Variants in YAF2 observed in about 807,000 individuals in gnomAD.
YAF2 encodes YY1 associated factor 2.
YAF2 carries 7 observed loss-of-function variants against 20.1 expected under a neutral mutation model. That is an observed-to-expected ratio of 0.35 (90% CI 0.20 to 0.65). The LOEUF is 0.65. Ranked by LOEUF, YAF2 falls within the 30% of genes least tolerant of loss-of-function variation. The pLI is 0.69. For missense variants in YAF2, 151 were observed against 219.2 expected (o/e 0.69, Z 1.96); for synonymous variants, 74 against 76.0 (o/e 0.97, Z 0.14).
intron 2 of YAF2, among the ~76,000 whole-genome samples, chr12:42,205,439 A>G (rs2067014468): frequency 6.6e-6 from 1 of 151,050 alleles, no homozygotes; most frequent in Non-Finnish European, 1.5e-5. Flanking sequence ...GCAGTGGCAC[A>G]ATCTCAGCTC....
intron 2 of YAF2, among the ~76,000 whole-genome samples, chr12:42,175,998 G>C (rs923504021): frequency 1.7e-4 from 26 of 151,974 alleles, no homozygotes; most frequent in African/African-American, 6.3e-4. Flanking sequence ...CATAATCCCA[G>C]CAGTCTGGGA....
intron 2 of YAF2, chr12:42,199,193 G>T: frequency 1.6e-6 from 2 of 1,289,272 alleles, no homozygotes; most frequent in Non-Finnish European, 2.0e-6. Flanking sequence ...GAGCCAGCAG[G>T]ATTGTTCCAC....
chr12:42,172,504 A>G (rs2066074562), intron 2 of YAF2, among the ~76,000 whole-genome samples: 1 of 152,016 alleles, frequency 6.6e-6, no homozygotes, highest in Non-Finnish European at 1.5e-5. Flanking sequence ...TGAGACCTGA[A>G]TTTTTTTTAA....
At chr12:42,175,233 C>A (rs542929956) in intron 2 of YAF2, among the ~76,000 whole-genome samples, 1 of 152,206 alleles carries the variant, frequency 6.6e-6, no homozygotes, top group South Asian at 2.1e-4. Context: ...AGGAGTTATG[C>A]CGAGTGAAAG....
chr12:42,210,586 C>T lies in YAF2; in HGVS notation c.152+27013G>A, dbSNP rs761358756. 2.1e-5 allele frequency: 32 copies of T among 1,535,884 alleles called. No individual in the cohort carries two copies. In the South Asian group the frequency reaches 2.4e-4, roughly 11 times the overall value. Reference sequence around the variant, plus strand: ...GAAATTTCAACGGTTCCTTGGTCCTCGAGGCACTCACAATAACTTCAAACA... The same window carrying T: ...GAAATTTCAACGGTTCCTTGGTCCTTGAGGCACTCACAATAACTTCAAACA... On this transcript the variant is annotated intron_variant, in intron 2 of 3. Transcript: ENST00000534854.
At chr12:42,161,554 TA>T in intron 3 of YAF2, 58 bp downstream of exon 3, 4 of 1,497,404 alleles carry the variant, frequency 2.7e-6, no homozygotes, top group Admixed American at 2.4e-5. Context: ...ATGTCAAGGT[TA>T]AAAAAATTAA....
intron 2 of YAF2, among the ~76,000 whole-genome samples, chr12:42,173,258 A>G (rs374344258): frequency 1.3e-5 from 2 of 152,166 alleles, no homozygotes; most frequent in Non-Finnish European, 1.5e-5. Flanking sequence ...TCCACGGTCT[A>G]TATGTATTTA....
At chr12:42,193,246 C>T (rs949509772) in intron 2 of YAF2, among the ~76,000 whole-genome samples, 18 of 149,794 alleles carry the variant, frequency 1.2e-4, no homozygotes, top group Non-Finnish European at 2.4e-4. Flanking sequence ...ACTGGGGAGG[C>T]GGAGGCTGCA....
chr12:42,209,598 CAATT>C (rs1251502167), intron 2 of YAF2, among the ~76,000 whole-genome samples: 1 of 136,996 alleles, frequency 7.3e-6, no homozygotes. Flanking sequence ...AAGTGCTAGA[CAATT>C]AATATAAAAC....
intron 2 of YAF2, among the ~76,000 whole-genome samples, chr12:42,208,477 T>C (rs1430657616): frequency 3.3e-5 from 5 of 152,092 alleles, no homozygotes; most frequent in Non-Finnish European, 7.4e-5. Flanking sequence ...AATTTAAAAA[T>C]AGCAATACAA....
chr12:42,204,249 T>TC (rs1163921879), intron 2 of YAF2, among the ~76,000 whole-genome samples: 1 of 152,172 alleles, frequency 6.6e-6, no homozygotes, highest in African/African-American at 2.4e-5. Flanking sequence ...GTCTTGCAGT[T>TC]CCCCAAAAGT....
chr12:42,224,371 A>G (rs762908043), intron 2 of YAF2, among the ~76,000 whole-genome samples: 2 of 151,640 alleles, frequency 1.3e-5, no homozygotes, highest in Non-Finnish European at 2.9e-5. Context: ...GGTGAAGAAT[A>G]CAATATATTT....
intron 2 of YAF2, among the ~76,000 whole-genome samples, chr12:42,189,297 T>C (rs1565617369): frequency 6.6e-6 from 1 of 152,222 alleles, no homozygotes; most frequent in Admixed American, 6.5e-5. Flanking sequence ...TTCTGATTGA[T>C]ATATTAACTG....
At chr12:42,170,871 A>G (rs1327330335) in intron 2 of YAF2, among the ~76,000 whole-genome samples, 1 of 152,242 alleles carries the variant, frequency 6.6e-6, no homozygotes, top group Non-Finnish European at 1.5e-5. Flanking sequence ...CTTCAAGAAT[A>G]ATGTTTGTAT....
intron 2 of YAF2, among the ~76,000 whole-genome samples, chr12:42,207,628 C>T (rs1392146760): frequency 6.6e-6 from 1 of 152,178 alleles, no homozygotes; most frequent in East Asian, 1.9e-4. Context: ...CACGGTGGCT[C>T]ATGCCTGTAA....
chr12:42,160,912 T>A, intron 3 of YAF2, 86 bp from the exon 4 acceptor site: 1 of 1,175,406 alleles, frequency 8.5e-7, no homozygotes, highest in Non-Finnish European at 1.2e-6. Context: ...GTGGTAAAAG[T>A]AACAAAATGA....
chr12:42,175,646 G>A (rs1211026837), intron 2 of YAF2, among the ~76,000 whole-genome samples: 2 of 146,584 alleles, frequency 1.4e-5, no homozygotes, highest in East Asian at 2.1e-4. Flanking sequence ...GGAGGCCGAG[G>A]TGGGCAGATC....
At chr12:42,180,011 A>G (rs2066302406) in intron 2 of YAF2, among the ~76,000 whole-genome samples, 1 of 152,074 alleles carries the variant, frequency 6.6e-6, no homozygotes, top group South Asian at 2.1e-4. Context: ...ATTCTGGAGG[A>G]CTTACTAGTA....
intron 2 of YAF2, among the ~76,000 whole-genome samples, chr12:42,163,191 T>G (rs1324596651): frequency 6.6e-6 from 1 of 152,024 alleles, no homozygotes; most frequent in Non-Finnish European, 1.5e-5. Flanking sequence ...GGAAATGCAA[T>G]ATATCTGGTG....
Sources: allele counts gnomAD v4.1 joint callset (sites outside exome capture counted in the v4.1 genomes callset), GRCh38; gene constraint gnomAD v4.1.1; transcripts MANE v1.5; gene names NCBI Gene and HGNC (gene_info 2026-07-23, HGNC 2026-07-21).